CACNB4: variants seen among roughly 807,000 people sequenced by gnomAD.
CACNB4 encodes voltage-dependent L-type calcium channel subunit beta-4.
Under a neutral mutation model 71.2 loss-of-function variants are expected in CACNB4, and 32 were observed. The ratio of observed to expected loss-of-function variants is 0.45; its 90% confidence interval spans 0.34 to 0.60. CACNB4 has a LOEUF of 0.60. Ranked by LOEUF, CACNB4 falls within the 20% of genes least tolerant of loss-of-function variation. The pLI, the probability that CACNB4 is intolerant of heterozygous loss-of-function variation, is 0.01. For synonymous variants in CACNB4, 231 were observed against 236.9 expected (o/e 0.97, Z 0.23); for missense variants, 464 against 647.9 (o/e 0.72, Z 3.08).
rs959916026 is a variant in CACNB4, at chr2:151,836,749, T to C, written c.*2370A>G. 33 of 152,014 alleles carry C rather than the reference T, an allele frequency of 2.2e-4. No individual in the cohort carries two copies. The highest frequency in any genetic ancestry group is 7.5e-4 in the African/African-American group (31 of 41,560). 9.4% of individuals were successfully genotyped at this position (152,014 alleles called of 1,614,324 possible). The stretch of plus-strand genomic sequence containing the variant: ...AAAAACCTTTAAAAACAAGTGACTT[T>C]TAAAAAGTTGAAAGAAGATGGTAAT... On this transcript the variant is annotated 3_prime_UTR_variant, in exon 14 of 14. Coordinates refer to ENST00000539935, the MANE Select transcript of CACNB4 (RefSeq NM_000726.5).
chr2:151,851,128 C>CA (rs1268314222), intron 12 of CACNB4: 1 of 152,154 alleles, frequency 6.6e-6, no homozygotes, highest in African/African-American at 2.4e-5. Context: ...ATTAAAATGA[C>CA]ACAGTGATCA....
At chr2:151,902,981 T>C (rs1247844912) in intron 2 of CACNB4, among the ~76,000 whole-genome samples, 3 of 152,174 alleles carry the variant, frequency 2.0e-5, no homozygotes, top group African/African-American at 7.2e-5. Flanking sequence ...TCTCGAAGGA[T>C]TGCTCGCCAA....
At chr2:151,924,689 G>A (rs2099859813) in intron 2 of CACNB4, among the ~76,000 whole-genome samples, 1 of 152,004 alleles carries the variant, frequency 6.6e-6, no homozygotes, top group Non-Finnish European at 1.5e-5. Context: ...GAGAAGTTCT[G>A]GAATATATTT....
At chr2:152,018,072 A>T (rs992599118) in intron 2 of CACNB4, among the ~76,000 whole-genome samples, 4 of 152,112 alleles carry the variant, frequency 2.6e-5, no homozygotes, top group African/African-American at 9.7e-5. Context: ...ACCTCAGGTG[A>T]TCCACCCGCT....
Position 151,833,235 on chromosome 2 carries a change from ATG to A in CACNB4, c.*5882_*5883del, listed in dbSNP as rs2099834184. 1 of 152,162 alleles carries A rather than the reference ATG, an allele frequency of 6.6e-6. No homozygotes were observed. Among genetic ancestry groups the A allele is most frequent in the Admixed American group, 6.5e-5 (1 of 15,280 alleles). 9.4% of individuals were successfully genotyped at this position (152,162 alleles called of 1,614,324 possible). ...CATTTTGCCATATTTCTGTTTTAGT[ATG>A]TTTTATGTTAATACATTTATTTTTT... On this transcript the variant is annotated 3_prime_UTR_variant, in exon 14 of 14. Transcript: ENST00000539935.
Position 151,897,849 on chromosome 2 carries a change from T to C in CACNB4, c.148-14479A>G, listed in dbSNP as rs1037746143. Among the ~76,000 whole-genome samples the C allele has an allele frequency of 2.5e-4, 38 of 152,236 alleles. 1 individual carries two copies. The highest frequency in any genetic ancestry group is 2.5e-3 in the Admixed American group (38 of 15,282). ...CCATGAAGATTATGCACTCAGAATG[T>C]GCAAGCACTCAGCCAAGGAATCACA... On this transcript the variant is annotated intron_variant, in intron 2 of 13. Transcript: ENST00000539935.
chr2:151,965,366 C>T (rs2099870812), intron 2 of CACNB4, among the ~76,000 whole-genome samples: 1 of 152,154 alleles, frequency 6.6e-6, no homozygotes, highest in Admixed American at 6.5e-5. Flanking sequence ...GGAACTTAAC[C>T]AGGTGAGGCA....
chr2:152,029,269 C>G (rs538143686), intron 2 of CACNB4, among the ~76,000 whole-genome samples: 1 of 151,704 alleles, frequency 6.6e-6, no homozygotes, highest in Non-Finnish European at 1.5e-5. Flanking sequence ...CTGAGGTGGG[C>G]GGATCACGAG....
At chr2:152,003,833 A>T (rs1392197212) in intron 2 of CACNB4, among the ~76,000 whole-genome samples, 3 of 127,304 alleles carry the variant, frequency 2.4e-5, no homozygotes, top group South Asian at 2.2e-4. Flanking sequence ...AGAAATTAAT[A>T]AAAAAAAAAA....
intron 2 of CACNB4, among the ~76,000 whole-genome samples, chr2:152,092,490 A>G: frequency 6.6e-6 from 1 of 152,216 alleles, no homozygotes; most frequent in Non-Finnish European, 1.5e-5. Flanking sequence ...TCTGATTAGC[A>G]TACCTTAAAA....
chr2:151,858,895 T>G (rs991265489), intron 10 of CACNB4: 1 of 152,232 alleles, frequency 6.6e-6, no homozygotes, highest in Non-Finnish European at 1.5e-5. Flanking sequence ...CTACTCTTCT[T>G]TATACCCCTA....
chr2:152,074,688 TCACCCC>T (rs1227432402), intron 2 of CACNB4, among the ~76,000 whole-genome samples: 1 of 83,312 alleles, frequency 1.2e-5, no homozygotes, highest in Non-Finnish European at 2.4e-5. Context: ...ATCATCACCA[TCACCCC>T]CTCACCATTA....
intron 5 of CACNB4, 85 bp downstream of exon 5, chr2:151,876,341 T>A: frequency 8.7e-7 from 1 of 1,152,746 alleles, no homozygotes; most frequent in South Asian, 1.8e-5. Flanking sequence ...CAGAAAAGTA[T>A]CTTCTACTTT....
At chr2:151,885,831 T>C (rs925201054) in intron 2 of CACNB4, among the ~76,000 whole-genome samples, 2 of 152,230 alleles carry the variant, frequency 1.3e-5, no homozygotes, top group South Asian at 2.1e-4. Flanking sequence ...GTGACTTTCA[T>C]AGACGTATTC....
intron 4 of CACNB4, among the ~76,000 whole-genome samples, chr2:151,877,448 A>C (rs76651766): frequency 0.015 from 2,228 of 152,306 alleles, 53 homozygotes; most frequent in African/African-American, 0.05. Context: ...AGAAGCTCTA[A>C]CCAATTCTTA....
chr2:151,920,017 A>C (rs1199120763), intron 2 of CACNB4, among the ~76,000 whole-genome samples: 2 of 152,252 alleles, frequency 1.3e-5, no homozygotes, highest in Non-Finnish European at 2.9e-5. Context: ...TGTGATTTCC[A>C]AGTTAAATGC....
intron 4 of CACNB4, 104 bp downstream of exon 4, chr2:151,880,696 C>T: frequency 8.4e-7 from 1 of 1,193,876 alleles, no homozygotes; most frequent in Non-Finnish European, 1.2e-6. Flanking sequence ...TCATGTACTG[C>T]ACTGGCAGCT....
At chr2:152,044,111 G>A (rs904886692) in intron 2 of CACNB4, among the ~76,000 whole-genome samples, 3 of 152,276 alleles carry the variant, frequency 2.0e-5, no homozygotes, top group Non-Finnish European at 2.9e-5. Context: ...AATTACTGAT[G>A]TAAAATATAC....
chr2:151,906,041 T>A (rs2099854726), intron 2 of CACNB4, among the ~76,000 whole-genome samples: 1 of 152,202 alleles, frequency 6.6e-6, no homozygotes, highest in Admixed American at 6.5e-5. Context: ...CATGAGCACA[T>A]GCATGCACAC....
Sources: gnomAD v4.1 joint callset for allele counts (sites outside exome capture counted in the v4.1 genomes callset) on GRCh38, gnomAD v4.1.1 for gene constraint, MANE v1.5 for transcripts, NCBI Gene and HGNC (gene_info 2026-07-23, HGNC 2026-07-21) for gene names.